The following MACROD2 variants were observed in gnomAD, a reference collection of about 807,000 sequenced individuals.
The protein encoded by MACROD2 is mono-ADP ribosylhydrolase 2, also known as ADP-ribose glycohydrolase MACROD2.
MACROD2 carries 36 observed loss-of-function variants against 70.4 expected under a neutral mutation model. That is an observed-to-expected ratio of 0.51 (90% CI 0.39 to 0.68). The LOEUF (loss-of-function observed/expected upper bound fraction) is 0.68. Ranked by LOEUF, MACROD2 falls within the 30% of genes least tolerant of loss-of-function variation. The probability of loss-of-function intolerance (pLI) is 0.00; values close to 1 mark genes in which losing one functional copy is unlikely to be tolerated. For missense variants in MACROD2, 496 were observed against 538.4 expected, an observed-to-expected ratio of 0.92 and a Z score of 0.78; for synonymous variants, 172 against 178.8, an observed-to-expected ratio of 0.96 and a Z score of 0.30.
chr20:15,206,878 A>T (rs1446294045), intron 5 of MACROD2, among the ~76,000 whole-genome samples: 1 of 151,006 alleles, frequency 6.6e-6, no homozygotes, highest in Non-Finnish European at 1.5e-5. Flanking sequence ...CTGGGACTAC[A>T]GGCGCCCGCC....
chr20:15,818,466 C>T (rs1444375719), intron 8 of MACROD2, among the ~76,000 whole-genome samples: 1 of 152,104 alleles, frequency 6.6e-6, no homozygotes, highest in African/African-American at 2.4e-5. Context: ...TTTTAGGATG[C>T]TAATGTATTC....
chr20:14,572,738 G>A (rs1354949688), intron 4 of MACROD2, among the ~76,000 whole-genome samples: 2 of 151,982 alleles, frequency 1.3e-5, no homozygotes, highest in East Asian at 3.9e-4. Flanking sequence ...GGATTTTGGG[G>A]GAATAGTGAT....
At chr20:15,597,234 A>T (rs2048757971) in intron 8 of MACROD2, among the ~76,000 whole-genome samples, 1 of 152,246 alleles carries the variant, frequency 6.6e-6, no homozygotes. Flanking sequence ...CAGTAAGGCC[A>T]TTCCAAGAAA....
rs568114165 is a variant in MACROD2 at position 14,463,335 on chromosome 20, TTGTC to T, written c.272-30140_272-30137del. On this transcript the variant is annotated intron_variant, in intron 3 of 17. Coordinates refer to ENST00000684519, the MANE Select transcript of MACROD2 (RefSeq NM_001351661.2). ...GTTCACTCATGATTTGGCTCTCTGT[TTGTC>T]TGTTATTGGTGTATAAGAATGCTTG... Among the ~76,000 whole-genome samples, 253 of 152,140 alleles carry T rather than the reference TTGTC, an allele frequency of 1.7e-3. 3 individuals carry two copies. Among genetic ancestry groups the T allele is most frequent in the African/African-American group, 6.0e-3 (250 of 41,446 alleles).
At chr20:14,259,781 C>T (rs1254845398) in intron 3 of MACROD2, among the ~76,000 whole-genome samples, 1 of 152,186 alleles carries the variant, frequency 6.6e-6, no homozygotes, top group Non-Finnish European at 1.5e-5. Flanking sequence ...TCTTTTCTAA[C>T]AGTTGCTGAA....
In MACROD2 at chr20:15,189,852, T is replaced by TC; in HGVS notation, c.419-40086dup. On this transcript the variant is annotated intron_variant, in intron 5 of 17. Transcript: ENST00000684519. ...TATCTCACCGAGATGATTTTTTTTTTCCAACGGTAGAACCTCCTGGCCTGA... is the reference window on the plus strand; with the variant it reads ...TATCTCACCGAGATGATTTTTTTTTTCCCAACGGTAGAACCTCCTGGCCTGA... 1.3e-5 allele frequency among the ~76,000 whole-genome samples: 2 copies of TC among 152,244 alleles called. 1 individual carries two copies. Among genetic ancestry groups the TC allele is most frequent in the South Asian group, 4.2e-4 (2 of 4,814 alleles).
intron 2 of MACROD2, among the ~76,000 whole-genome samples, chr20:14,055,176 A>G (rs2053617536): frequency 6.6e-6 from 1 of 152,214 alleles, no homozygotes; most frequent in African/African-American, 2.4e-5. Context: ...TTAAGAAAGA[A>G]AAACATGCGT....
intron 8 of MACROD2, among the ~76,000 whole-genome samples, chr20:15,575,696 A>G (rs1286367242): frequency 6.6e-6 from 1 of 152,224 alleles, no homozygotes; most frequent in Non-Finnish European, 1.5e-5. Flanking sequence ...AAAACATTTC[A>G]TGGAAGCATA....
chr20:14,325,869 A>G (rs757123659), intron 3 of MACROD2: 4 of 1,613,976 alleles, frequency 2.5e-6, no homozygotes, highest in Non-Finnish European at 1.7e-6. Context: ...AACACACTAA[A>G]GCAAGAAGGG....
intron 15 of MACROD2, among the ~76,000 whole-genome samples, chr20:16,021,623 G>T (rs1003138216): frequency 1.3e-5 from 2 of 152,240 alleles, no homozygotes; most frequent in East Asian, 3.9e-4. Context: ...TTCATAATTG[G>T]TTATTATGAG....
At chr20:14,431,655 A>G (rs1179423011) in intron 3 of MACROD2, among the ~76,000 whole-genome samples, 10 of 152,184 alleles carry the variant, frequency 6.6e-5, no homozygotes, top group Non-Finnish European at 1.2e-4. Context: ...GAGTTCTACC[A>G]GGTCCAAACA....
intron 4 of MACROD2, among the ~76,000 whole-genome samples, chr20:14,576,591 A>C (rs989317693): frequency 7.9e-5 from 12 of 152,184 alleles, no homozygotes; most frequent in African/African-American, 2.7e-4. Flanking sequence ...AATAAGCTAA[A>C]CGACTTTGCC....
At chr20:15,254,123 C>A (rs10485520) in intron 6 of MACROD2, among the ~76,000 whole-genome samples, 1 of 152,010 alleles carries the variant, frequency 6.6e-6, no homozygotes, top group South Asian at 2.1e-4. Flanking sequence ...CTGCAGGAAA[C>A]GAGTTTATTA....
intron 8 of MACROD2, among the ~76,000 whole-genome samples, chr20:15,754,310 G>A (rs6034280): frequency 0.21 from 32,678 of 152,084 alleles, 4,969 homozygotes; most frequent in African/African-American, 0.43. Flanking sequence ...AGCAAAATTG[G>A]TTCATTAACA....
At chr20:15,610,362 G>T (rs1438193954) in intron 8 of MACROD2, among the ~76,000 whole-genome samples, 1 of 152,156 alleles carries the variant, frequency 6.6e-6, no homozygotes, top group African/African-American at 2.4e-5. Flanking sequence ...CCTTGCAGAG[G>T]CTCTGAGGGA....
intron 5 of MACROD2, among the ~76,000 whole-genome samples, chr20:15,051,154 T>A (rs1321784896): frequency 6.6e-6 from 1 of 152,190 alleles, no homozygotes; most frequent in Non-Finnish European, 1.5e-5. Context: ...AGATTTAATC[T>A]GTTTAGTTAG....
At chr20:15,187,226 A>G (rs1449123472) in intron 5 of MACROD2, among the ~76,000 whole-genome samples, 2 of 152,254 alleles carry the variant, frequency 1.3e-5, no homozygotes, top group East Asian at 1.9e-4. Flanking sequence ...GGCAAATGAC[A>G]TTTCCCCTTT....
intron 5 of MACROD2, among the ~76,000 whole-genome samples, chr20:15,111,135 T>C (rs767051448): frequency 4.6e-5 from 7 of 151,694 alleles, no homozygotes; most frequent in Non-Finnish European, 1.0e-4. Flanking sequence ...ATTTCAGATA[T>C]TTTTTACTTC....
chr20:15,391,594 G>T (rs868184380), intron 6 of MACROD2, among the ~76,000 whole-genome samples: 3 of 152,326 alleles, frequency 2.0e-5, no homozygotes, highest in South Asian at 4.1e-4. Flanking sequence ...TTGGATGGCA[G>T]TTACAAGAAG....
Sources: allele counts gnomAD v4.1 joint callset (sites outside exome capture counted in the v4.1 genomes callset), GRCh38; gene constraint gnomAD v4.1.1; transcripts MANE v1.5; gene names NCBI Gene and HGNC (gene_info 2026-07-23, HGNC 2026-07-21).